Variants in ZNF609 observed in about 807,000 individuals in gnomAD.
The protein encoded by ZNF609 is zinc finger protein 609.
A neutral mutation model predicts 109.5 loss-of-function variants in ZNF609; 11 were observed. The observed-to-expected ratio is 0.10, with a 90% CI of 0.06 to 0.17. ZNF609 has a LOEUF of 0.17. Among genes scored for constraint, ZNF609 ranks in the 10% least tolerant of loss-of-function variants. The pLI is 1.00. For synonymous variants in ZNF609, 646 were observed against 662.0 expected, an observed-to-expected ratio of 0.98 and a Z score of 0.37; for missense variants, 1,559 against 1,772.4, an observed-to-expected ratio of 0.88 and a Z score of 2.16.
chr15:64,530,254 G>A (rs1237438743), intron 2 of ZNF609, among the ~76,000 whole-genome samples: 1 of 151,876 alleles, frequency 6.6e-6, no homozygotes, highest in Non-Finnish European at 1.5e-5. Context: ...GACCTCAAGT[G>A]ATCCGCTTGC....
At chr15:64,489,843 A>G (rs1231067808) in intron 1 of ZNF609, among the ~76,000 whole-genome samples, 1 of 151,930 alleles carries the variant, frequency 6.6e-6, no homozygotes, top group Non-Finnish European at 1.5e-5. Flanking sequence ...TTTTCTAACA[A>G]TTTGACATTA....
intron 2 of ZNF609, among the ~76,000 whole-genome samples, chr15:64,579,110 T>A (rs1489666671): frequency 6.6e-6 from 1 of 152,176 alleles, no homozygotes; most frequent in Non-Finnish European, 1.5e-5. Flanking sequence ...GCTATTTTTT[T>A]ATGTCTTTTT....
At chr15:64,616,142 T>A (rs1895794543) in intron 2 of ZNF609, among the ~76,000 whole-genome samples, 3 of 152,034 alleles carry the variant, frequency 2.0e-5, no homozygotes. Flanking sequence ...ACTATAGGGA[T>A]GTGCCACCAT....
At chr15:64,606,505 G>A (rs867317304) in intron 2 of ZNF609, among the ~76,000 whole-genome samples, 24 of 143,568 alleles carry the variant, frequency 1.7e-4, no homozygotes, top group South Asian at 4.7e-4. Flanking sequence ...GTTGCAGTGA[G>A]CCGAGACCAT....
intron 1 of ZNF609, among the ~76,000 whole-genome samples, chr15:64,477,968 G>C (rs1342500600): frequency 2.0e-5 from 3 of 152,148 alleles, no homozygotes; most frequent in Non-Finnish European, 4.4e-5. Context: ...ATTGGATTCA[G>C]CTTGTGGACA....
chr15:64,499,147 G>C (rs950187880), intron 1 of ZNF609, 146 bp from the exon 2 acceptor site: 22 of 366,306 alleles, frequency 6.0e-5, no homozygotes, highest in African/African-American at 4.5e-4. Context: ...ATGTAACTTG[G>C]TTAGAAATAC....
At chr15:64,488,716 A>T (rs1443169968) in intron 1 of ZNF609, among the ~76,000 whole-genome samples, 1 of 152,212 alleles carries the variant, frequency 6.6e-6, no homozygotes, top group African/African-American at 2.4e-5. Flanking sequence ...ATAAAAAATG[A>T]AGGCAATTCC....
At chr15:64,491,505 A>G (rs527879961) in intron 1 of ZNF609, among the ~76,000 whole-genome samples, 1 of 152,326 alleles carries the variant, frequency 6.6e-6, no homozygotes, top group African/African-American at 2.4e-5. Flanking sequence ...AGTGGGATCA[A>G]CAACCTTGTG....
chr15:64,504,621 C>A (rs1318058129), intron 2 of ZNF609, among the ~76,000 whole-genome samples: 1 of 151,872 alleles, frequency 6.6e-6, no homozygotes, highest in Non-Finnish European at 1.5e-5. Context: ...AAGTGCATAC[C>A]ACCATGCCTG....
intron 3 of ZNF609, among the ~76,000 whole-genome samples, chr15:64,626,979 C>T (rs1316529807): frequency 3.9e-5 from 6 of 151,988 alleles, no homozygotes; most frequent in Non-Finnish European, 4.4e-5. Flanking sequence ...ATGTCCGAGG[C>T]GGGAGGTACA....
chr15:64,597,187 G>C lies in ZNF609; in HGVS notation c.748-25640G>C, dbSNP rs1895410774. On this transcript the variant is annotated intron_variant, in intron 2 of 9. Transcript: ENST00000326648. ...CTAATCACTCTAAGGTCACAGTTTA[G>C]AGTCTAGAATGAGAGGGACTTTGAG... 2.6e-5 allele frequency among the ~76,000 whole-genome samples: 4 copies of C among 152,266 alleles called. No individual in the cohort carries two copies. In the South Asian group the frequency reaches 8.3e-4, roughly 32 times the overall value.
At chr15:64,646,634 CAAA>C (rs1180524819) in intron 3 of ZNF609, among the ~76,000 whole-genome samples, 4 of 30,690 alleles carry the variant, frequency 1.3e-4, no homozygotes, top group Non-Finnish European at 2.4e-4. Flanking sequence ...GACTCCATCT[CAAA>C]AAAAAAAAAA....
rs76100326 is a variant in ZNF609, at chr15:64,619,896, G to T, written c.748-2931G>T. 7.0e-4 allele frequency among the ~76,000 whole-genome samples: 106 copies of T among 152,162 alleles called. 1 individual carries two copies. The highest frequency in any genetic ancestry group is 2.5e-3 in the African/African-American group (105 of 41,512). The stretch of plus-strand genomic sequence containing the variant: ...TCTGGATTTCTTGGTGCAAAACTGG[G>T]GACTTCATTTTATCTAGAATGTATT... On this transcript the variant is annotated intron_variant, in intron 2 of 9. Coordinates refer to ENST00000326648, the MANE Select transcript of ZNF609 (RefSeq NM_015042.2).
rs373381479 is a variant in ZNF609, at chr15:64,621,275, C to T, written c.748-1552C>T. Among the ~76,000 whole-genome samples, 43 of 152,180 alleles carry T rather than the reference C, an allele frequency of 2.8e-4. No homozygotes were observed. In the East Asian group the frequency reaches 4.8e-3, roughly 17 times the overall value. The stretch of plus-strand genomic sequence containing the variant: ...ATTCAGGATTGGGGCATCAATCACT[C>T]GAGCATAATAGACTTTGTCAGCCTC... On this transcript the variant is annotated intron_variant, in intron 2 of 9. Transcript: ENST00000326648.
intron 2 of ZNF609, among the ~76,000 whole-genome samples, chr15:64,599,434 A>G (rs920853670): frequency 2.0e-5 from 3 of 151,888 alleles, no homozygotes; most frequent in Non-Finnish European, 2.9e-5. Context: ...CTCAGTAAAT[A>G]TTTGTGCAGT....
In ZNF609 at chr15:64,674,693, C is replaced by T. The variant is rs745884683; in HGVS notation, c.1839C>T (p.Pro613=). Residue 613 remains proline, a synonymous_variant, in exon 5 of 10, where the codon CCC becomes CCT. Transcript: ENST00000326648. The part of the protein sequence containing the change: ...ALSNDGSDDG[P]SVMDETSNDA... ...CCAATGATGGCTCTGATGATGGACCCTCAGTGATGGATGAAACAAGCAATG... is the reference window on the plus strand; with the variant it reads ...CCAATGATGGCTCTGATGATGGACCTTCAGTGATGGATGAAACAAGCAATG... 10 of 1,613,970 alleles carry T rather than the reference C, an allele frequency of 6.2e-6. No homozygotes were observed. The highest frequency in any genetic ancestry group is 7.6e-6 in the Non-Finnish European group (9 of 1,180,042).
intron 2 of ZNF609, chr15:64,500,505 T>G: frequency 3.2e-6 from 2 of 616,610 alleles, no homozygotes; most frequent in Non-Finnish European, 5.8e-6. Context: ...ATCAGACCTT[T>G]ATTTGTTTCC....
intron 3 of ZNF609, among the ~76,000 whole-genome samples, chr15:64,632,660 G>A (rs187368110): frequency 1.3e-3 from 198 of 151,976 alleles, no homozygotes; most frequent in African/African-American, 4.4e-3. Context: ...TAGTAGAGAT[G>A]TGGTTTCGCT....
intron 3 of ZNF609, among the ~76,000 whole-genome samples, chr15:64,639,334 G>A (rs958173164): frequency 2.0e-5 from 3 of 152,152 alleles, no homozygotes; most frequent in African/African-American, 7.2e-5. Context: ...CTGTAACAAT[G>A]TACCAAAAAC....
Sources: allele counts gnomAD v4.1 joint callset (sites outside exome capture counted in the v4.1 genomes callset), GRCh38; gene constraint gnomAD v4.1.1; transcripts MANE v1.5; gene names NCBI Gene and HGNC (gene_info 2026-07-23, HGNC 2026-07-21).